The following PCBP3 variants were observed in gnomAD, a reference collection of about 807,000 sequenced individuals.
PCBP3 encodes the protein poly(rC)-binding protein 3.
Under a neutral mutation model 52.7 loss-of-function variants are expected in PCBP3, and 25 were observed. That is an observed-to-expected ratio of 0.47 (90% CI 0.35 to 0.66). PCBP3 has a LOEUF of 0.66. Among genes scored for constraint, PCBP3 ranks in the 30% least tolerant of loss-of-function variants. The probability of loss-of-function intolerance (pLI) is 0.01; values close to 1 mark genes in which losing one functional copy is unlikely to be tolerated. For missense variants in PCBP3, 391 were observed against 490.3 expected (o/e 0.80, Z 1.91); for synonymous variants, 162 against 183.0 (o/e 0.89, Z 0.93).
chr21:45,653,085 C>T (rs1188397045), intron 1 of PCBP3, among the ~76,000 whole-genome samples: 4 of 152,094 alleles, frequency 2.6e-5, no homozygotes, highest in Non-Finnish European at 5.9e-5. Context: ...TATTATTCTT[C>T]AGCAAAATTA....
chr21:45,736,937 C>T lies in PCBP3; in HGVS notation c.-162+1508C>T, dbSNP rs772201509. ...GAGTCCTGGTGCTGTGTGAATAGGC[C>T]GTCAGGTCAGCCCTGAGACACGGGG... On this transcript the variant is annotated intron_variant, in intron 3 of 17. Transcript: ENST00000681687. This position sits in a 1 kb window ranked among gnomAD's most constrained non-coding sequence, Gnocchi z 4.6. Among the ~76,000 whole-genome samples, 45 of 151,742 alleles carry T rather than the reference C, an allele frequency of 3.0e-4. 1 individual carries two copies. The highest frequency in any genetic ancestry group is 5.6e-4 in the Non-Finnish European group (38 of 67,944).
At chr21:45,719,307 G>GCCTCT (rs2084452229) in intron 2 of PCBP3, among the ~76,000 whole-genome samples, 1 of 152,170 alleles carries the variant, frequency 6.6e-6, no homozygotes, top group South Asian at 2.1e-4. Context: ...TGTTCTCAGG[G>GCCTCT]AGGCTAGAGG....
chr21:45,681,307 A>G (rs1190370895), intron 2 of PCBP3, among the ~76,000 whole-genome samples: 3 of 152,240 alleles, frequency 2.0e-5, no homozygotes, highest in African/African-American at 7.2e-5. Flanking sequence ...ATTGAGCAAT[A>G]GGATTACTTG....
intron 13 of PCBP3, among the ~76,000 whole-genome samples, chr21:45,920,649 G>A (rs1003028742): frequency 1.3e-5 from 2 of 152,186 alleles, no homozygotes; most frequent in Admixed American, 6.5e-5. Context: ...CTCCACCCTC[G>A]TGAACAGCAT....
intron 4 of PCBP3, among the ~76,000 whole-genome samples, chr21:45,819,477 C>A (rs949088845): frequency 6.6e-6 from 1 of 152,216 alleles, no homozygotes; most frequent in Non-Finnish European, 1.5e-5. Flanking sequence ...TAAGCGGATG[C>A]AGGTGCAGAG....
chr21:45,833,031 T>C (rs1158297268), intron 4 of PCBP3, among the ~76,000 whole-genome samples: 7 of 151,894 alleles, frequency 4.6e-5, no homozygotes, highest in Non-Finnish European at 1.5e-5. Context: ...TTGTGGGAAT[T>C]ACAATTCAAG....
At chr21:45,652,442 CTT>C (rs377230019) in intron 1 of PCBP3, among the ~76,000 whole-genome samples, 15 of 135,560 alleles carry the variant, frequency 1.1e-4, no homozygotes, top group Non-Finnish European at 1.1e-4. Context: ...ATTCTGATGG[CTT>C]TTTTTTTTTT....
chr21:45,927,853 G>A (rs1179200722), intron 13 of PCBP3, among the ~76,000 whole-genome samples: 2 of 152,178 alleles, frequency 1.3e-5, no homozygotes, highest in African/African-American at 2.4e-5. Context: ...CCATCTTGGA[G>A]CCGACTCCAA....
rs1326131376 is a variant in PCBP3 at position 45,724,083 on chromosome 21, T to TC, written c.-199-11304dup. ...GGGGGTAAGTTAATGAGACACTCTC[T>TC]CCCCCAGATCTGGAGAAATTCAGAG... On this transcript the variant is annotated intron_variant, in intron 2 of 17. Coordinates refer to ENST00000681687, the MANE Select transcript of PCBP3 (RefSeq NM_001384156.1). The surrounding 1 kb of genome is among the most constrained non-coding windows in gnomAD (Gnocchi z 5.3). 6.6e-6 allele frequency among the ~76,000 whole-genome samples: 1 copy of TC among 152,148 alleles called. No individual in the cohort carries two copies. Among genetic ancestry groups the TC allele is most frequent in the African/African-American group, 2.4e-5 (1 of 41,440 alleles).
rs138210429 is a variant in PCBP3 at position 45,877,598 on chromosome 21, G to A, written c.11-18610G>A. On this transcript the variant is annotated intron_variant, in intron 5 of 17. Transcript: ENST00000681687. ...GCAGCCAAATCACCTGAGGTCAGGA[G>A]TTTGAGACCCGCCTGGCCAACGTGA... Among the ~76,000 whole-genome samples the A allele has an allele frequency of 6.6e-3, 999 of 152,318 alleles. 15 individuals are homozygous for A. Among genetic ancestry groups the A allele is most frequent in the African/African-American group, 0.023 (959 of 41,556 alleles).
chr21:45,703,415 G>A (rs369944332), intron 2 of PCBP3, among the ~76,000 whole-genome samples: 1 of 152,204 alleles, frequency 6.6e-6, no homozygotes, highest in Non-Finnish European at 1.5e-5. Context: ...CGGTGTTAAC[G>A]GGCATGAAAA....
chr21:45,654,393 T>C (rs1201520308), intron 1 of PCBP3, among the ~76,000 whole-genome samples: 1 of 143,088 alleles, frequency 7.0e-6, no homozygotes, highest in Non-Finnish European at 1.5e-5. Context: ...CAGGCTGGAG[T>C]GCAGTGACGT....
chr21:45,729,545 C>T (rs1198517341), intron 2 of PCBP3, among the ~76,000 whole-genome samples: 1 of 152,146 alleles, frequency 6.6e-6, no homozygotes, highest in East Asian at 1.9e-4. Context: ...TCTCCAGGTC[C>T]TCACCAACAC....
Position 45,703,405 on chromosome 21 carries a change from C to T in PCBP3, c.-199-31987C>T, listed in dbSNP as rs1046775209. Among the ~76,000 whole-genome samples the T allele has an allele frequency of 1.1e-4, 16 of 152,184 alleles. No individual in the cohort carries two copies. In the East Asian group the frequency reaches 1.2e-3, roughly 11 times the overall value. On this transcript the variant is annotated intron_variant, in intron 2 of 17. Coordinates refer to ENST00000681687, the MANE Select transcript of PCBP3 (RefSeq NM_001384156.1). ...TGACCCGTGTCTTGCAGAATGGATG[C>T]GGTGTTAACGGGCATGAAAACAACA...
At chr21:45,940,294 C>A in intron 17 of PCBP3, 95 bp downstream of exon 17, 1 of 1,026,310 alleles carries the variant, frequency 9.7e-7, no homozygotes, top group Non-Finnish European at 1.4e-6. Flanking sequence ...GGAGGAGGCA[C>A]AGTCTGGGCC....
chr21:45,744,593 A>G (rs973743684), intron 3 of PCBP3, among the ~76,000 whole-genome samples: 3 of 152,218 alleles, frequency 2.0e-5, no homozygotes, highest in African/African-American at 7.2e-5. Context: ...TCTCCAAAAT[A>G]GCTTTCATTT....
intron 5 of PCBP3, among the ~76,000 whole-genome samples, chr21:45,855,031 G>A (rs977082569): frequency 6.6e-6 from 1 of 152,164 alleles, no homozygotes; most frequent in African/African-American, 2.4e-5. Context: ...GAGCAGGAAA[G>A]GGGACCCTAG....
At chr21:45,828,870 C>T (rs999366070) in intron 4 of PCBP3, 6 of 152,366 alleles carry the variant, frequency 3.9e-5, no homozygotes, top group Non-Finnish European at 5.9e-5. Flanking sequence ...ACGGTCATGC[C>T]CAGGCTCCTT....
intron 9 of PCBP3, among the ~76,000 whole-genome samples, chr21:45,906,505 T>C (rs1190408451): frequency 2.0e-5 from 3 of 151,926 alleles, no homozygotes; most frequent in Non-Finnish European, 4.4e-5. Flanking sequence ...TTCTTTTGGA[T>C]TTGGGGTCAC....
Sources: allele counts gnomAD v4.1 joint callset (sites outside exome capture counted in the v4.1 genomes callset), GRCh38; gene constraint gnomAD v4.1.1; non-coding constraint Gnocchi (gnomAD v3.1); transcripts MANE v1.5; gene names NCBI Gene and HGNC (gene_info 2026-07-23, HGNC 2026-07-21).